Variants in JAZF1 observed in about 807,000 individuals in gnomAD.
JAZF1 encodes juxtaposed with another zinc finger protein 1.
A neutral mutation model predicts 26.4 loss-of-function variants in JAZF1; 8 were observed. That is an observed-to-expected ratio of 0.30 (90% CI 0.18 to 0.55). The LOEUF is 0.55. Among genes scored for constraint, JAZF1 ranks in the 20% least tolerant of loss-of-function variants. JAZF1 has a pLI of 0.94. For missense variants in JAZF1, 199 were observed against 322.0 expected (o/e 0.62, Z 2.92); for synonymous variants, 126 against 122.3 (o/e 1.03, Z -0.20).
intron 1 of JAZF1, among the ~76,000 whole-genome samples, chr7:28,094,584 A>C (rs1784353415): frequency 6.6e-6 from 1 of 152,134 alleles, no homozygotes; most frequent in African/African-American, 2.4e-5. Context: ...GCTGAAAAGC[A>C]GCCATTTATC....
chr7:27,855,686 A>G (rs1184764780), intron 3 of JAZF1, among the ~76,000 whole-genome samples: 2 of 152,200 alleles, frequency 1.3e-5, no homozygotes, highest in Non-Finnish European at 2.9e-5. Flanking sequence ...CCCAGAACAG[A>G]CCAATAACAA....
At chr7:27,881,557 T>A (rs552588386) in intron 3 of JAZF1, among the ~76,000 whole-genome samples, 18 of 152,214 alleles carry the variant, frequency 1.2e-4, no homozygotes, top group African/African-American at 4.1e-4. Flanking sequence ...AACACAATAA[T>A]GGTCCAGAAC....
At chr7:28,152,042 T>C (rs1783118875) in intron 1 of JAZF1, among the ~76,000 whole-genome samples, 1 of 152,192 alleles carries the variant, frequency 6.6e-6, no homozygotes. Flanking sequence ...TTCATGTCTT[T>C]ACGTAGTTTC....
chr7:27,908,074 A>C, intron 2 of JAZF1, among the ~76,000 whole-genome samples: 1 of 152,222 alleles, frequency 6.6e-6, no homozygotes, highest in Non-Finnish European at 1.5e-5. Flanking sequence ...AAGCTGGCAG[A>C]CTGTAATATC....
At chr7:28,050,900 G>A (rs1449069993) in intron 1 of JAZF1, among the ~76,000 whole-genome samples, 2 of 152,056 alleles carry the variant, frequency 1.3e-5, no homozygotes, top group East Asian at 3.9e-4. Context: ...TTGGGAGGCC[G>A]AGGCGGGCGG....
At chr7:28,036,403 A>G (rs960972852) in intron 1 of JAZF1, among the ~76,000 whole-genome samples, 1 of 152,230 alleles carries the variant, frequency 6.6e-6, no homozygotes, top group Non-Finnish European at 1.5e-5. Context: ...TTATTTGAAA[A>G]TATTAATAAC....
intron 1 of JAZF1, among the ~76,000 whole-genome samples, chr7:28,068,757 A>G (rs1783925753): frequency 6.6e-6 from 1 of 152,222 alleles, no homozygotes; most frequent in Non-Finnish European, 1.5e-5. Flanking sequence ...TCACTGGTAA[A>G]CAATGTTGAC....
At chr7:27,936,378 A>G (rs891369637) in intron 2 of JAZF1, among the ~76,000 whole-genome samples, 1 of 152,200 alleles carries the variant, frequency 6.6e-6, no homozygotes, top group African/African-American at 2.4e-5. Context: ...TGCCAGTGGA[A>G]TCCAGACTGG....
At chr7:28,010,775 T>C (rs972594897) in intron 1 of JAZF1, among the ~76,000 whole-genome samples, 7 of 152,262 alleles carry the variant, frequency 4.6e-5, no homozygotes, top group Non-Finnish European at 8.8e-5. Flanking sequence ...GGCTGGTAAA[T>C]AATCATGATC....
At chr7:27,876,808 C>A (rs574444859) in intron 3 of JAZF1, among the ~76,000 whole-genome samples, 11 of 152,064 alleles carry the variant, frequency 7.2e-5, no homozygotes, top group African/African-American at 2.7e-4. Context: ...TGGAACTGGG[C>A]GGGAGAGTTT....
intron 2 of JAZF1, chr7:27,913,450 CTGT>C: frequency 2.4e-6 from 1 of 419,004 alleles, no homozygotes; most frequent in Non-Finnish European, 4.9e-6. Context: ...CTCATCTCCG[CTGT>C]CTGTGGGCGG....
At chr7:28,086,897 C>A (rs1784220207) in intron 1 of JAZF1, among the ~76,000 whole-genome samples, 1 of 152,178 alleles carries the variant, frequency 6.6e-6, no homozygotes, top group Non-Finnish European at 1.5e-5. Flanking sequence ...GAGTTAACAA[C>A]TTCCCCACAG....
chr7:27,833,662 T>C (rs547959881), intron 4 of JAZF1, among the ~76,000 whole-genome samples: 2 of 152,356 alleles, frequency 1.3e-5, no homozygotes, highest in South Asian at 2.1e-4. Flanking sequence ...CAATGAACTT[T>C]AAAAATTTAA....
intron 1 of JAZF1, among the ~76,000 whole-genome samples, chr7:28,132,287 A>G (rs113291015): frequency 6.4e-4 from 98 of 152,322 alleles, no homozygotes; most frequent in Non-Finnish European, 1.3e-3. Context: ...GCTAATTTAT[A>G]ATATTGACCA....
chr7:28,121,026 C>G (rs1782593425), intron 1 of JAZF1, among the ~76,000 whole-genome samples: 1 of 151,870 alleles, frequency 6.6e-6, no homozygotes, highest in Non-Finnish European at 1.5e-5. Flanking sequence ...ATGGCTAAAC[C>G]CCATCTCCAC....
intron 3 of JAZF1, among the ~76,000 whole-genome samples, chr7:27,852,974 T>C (rs747211737): frequency 6.6e-6 from 1 of 152,202 alleles, no homozygotes; most frequent in African/African-American, 2.4e-5. Flanking sequence ...TTAATCAAAG[T>C]TATAATTGCA....
At chr7:27,845,760 G>A (rs911366322) in intron 3 of JAZF1, among the ~76,000 whole-genome samples, 7 of 151,616 alleles carry the variant, frequency 4.6e-5, no homozygotes, top group African/African-American at 1.5e-4. Context: ...TAAGTGACTG[G>A]CCCACAGTCA....
Position 28,110,515 on chromosome 7 carries a change from A to AAAGGAAAGGAAAGGG in JAZF1, c.115+69947_115+69948insCCCTTTCCTTTCCTT, listed in dbSNP as rs1562590947. Among the ~76,000 whole-genome samples, 7 of 58,948 alleles carry AAAGGAAAGGAAAGGG rather than the reference A, an allele frequency of 1.2e-4. No individual in the cohort carries two copies. In the East Asian group the frequency reaches 3.3e-3, roughly 28 times the overall value. The allele number at this position is 58,948 out of a possible 152,430, so 38.7% of individuals were successfully genotyped here. A position where few individuals can be genotyped will look rare whatever the true frequency, so the allele number is the denominator to read the frequency against. On this transcript the variant is annotated intron_variant, in intron 1 of 4. Coordinates refer to ENST00000283928, the MANE Select transcript of JAZF1 (RefSeq NM_175061.4). ...AAGGAAAGGAAAGGAAAAGGAAAGG[A>AAAGGAAAGGAAAGGG]AAAGGAAAAGGAAAAGGAAAGGAAA... is the stretch of plus-strand genomic sequence containing the variant.
intron 1 of JAZF1, among the ~76,000 whole-genome samples, chr7:28,134,348 T>C (rs1782844669): frequency 6.6e-6 from 1 of 152,152 alleles, no homozygotes; most frequent in African/African-American, 2.4e-5. Flanking sequence ...TCACCCAGGC[T>C]GGAGTGGAGT....
Sources: gnomAD v4.1 joint callset for allele counts (sites outside exome capture counted in the v4.1 genomes callset) on GRCh38, gnomAD v4.1.1 for gene constraint, MANE v1.5 for transcripts, NCBI Gene and HGNC (gene_info 2026-07-23, HGNC 2026-07-21) for gene names.